The following KPNA1 variants were observed in gnomAD, a reference collection of about 807,000 sequenced individuals.
KPNA1 encodes the protein importin subunit alpha-5.
Under a neutral mutation model 70.5 loss-of-function variants are expected in KPNA1, and 10 were observed. That is an observed-to-expected ratio of 0.14 (90% CI 0.09 to 0.24). The LOEUF (loss-of-function observed/expected upper bound fraction) is 0.24. KPNA1 is among the 10% of genes least tolerant of loss of function. The pLI, the probability that KPNA1 is intolerant of heterozygous loss-of-function variation, is 1.00. For synonymous variants in KPNA1, 192 were observed against 221.9 expected, an observed-to-expected ratio of 0.87 and a Z score of 1.20; for missense variants, 397 against 637.9, an observed-to-expected ratio of 0.62 and a Z score of 4.07.
chr3:122,485,072 G>C (rs1397719023), intron 2 of KPNA1, among the ~76,000 whole-genome samples: 1 of 152,056 alleles, frequency 6.6e-6, no homozygotes, highest in Non-Finnish European at 1.5e-5. Flanking sequence ...TGTTGTTGCT[G>C]TTGTTGTTGT....
intron 12 of KPNA1, among the ~76,000 whole-genome samples, chr3:122,430,243 T>C (rs2075883045): frequency 6.6e-6 from 1 of 152,068 alleles, no homozygotes; most frequent in African/African-American, 2.4e-5. Context: ...TCACCAAAAA[T>C]TGGATATTAT....
intron 12 of KPNA1, among the ~76,000 whole-genome samples, chr3:122,428,554 TG>T (rs2075854345): frequency 6.6e-6 from 1 of 152,208 alleles, no homozygotes; most frequent in South Asian, 2.1e-4. Context: ...AATCATCACT[TG>T]ATCTCATGGA....
intron 1 of KPNA1, among the ~76,000 whole-genome samples, chr3:122,505,075 G>A (rs935516125): frequency 5.9e-5 from 9 of 151,872 alleles, no homozygotes; most frequent in Admixed American, 3.9e-4. Flanking sequence ...GCCAAGGGGC[G>A]GGCAGATCAC....
chr3:122,511,175 C>T (rs905131154), intron 1 of KPNA1, among the ~76,000 whole-genome samples: 2 of 152,146 alleles, frequency 1.3e-5, no homozygotes, highest in African/African-American at 4.8e-5. Flanking sequence ...GTACTTTCAG[C>T]GGGTCTTTCT....
At chr3:122,429,279 C>T (rs1177570314) in intron 12 of KPNA1, among the ~76,000 whole-genome samples, 3 of 151,758 alleles carry the variant, frequency 2.0e-5, no homozygotes, top group African/African-American at 4.8e-5. Context: ...GGTGAAACTC[C>T]GTTTCTACTA....
chr3:122,438,874 T>C (rs2076025863), intron 10 of KPNA1, among the ~76,000 whole-genome samples: 1 of 152,106 alleles, frequency 6.6e-6, no homozygotes, highest in Admixed American at 6.5e-5. Context: ...TAGGGGAAAA[T>C]AAAAATTTCA....
intron 2 of KPNA1, among the ~76,000 whole-genome samples, chr3:122,472,025 A>C (rs1031989206): frequency 2.0e-5 from 3 of 152,254 alleles, no homozygotes; most frequent in African/African-American, 7.2e-5. Context: ...TCTCTATCAG[A>C]AACGGCCAGA....
At chr3:122,486,242 A>C (rs983056020) in intron 2 of KPNA1, among the ~76,000 whole-genome samples, 7 of 152,276 alleles carry the variant, frequency 4.6e-5, no homozygotes, top group African/African-American at 1.7e-4. Flanking sequence ...CAACAAGTGA[A>C]TGGATAAACC....
rs533317062 is a variant in KPNA1 at position 122,462,327 on chromosome 3, G to A, written c.338-1009C>T. On this transcript the variant is annotated intron_variant, in intron 4 of 13. Transcript: ENST00000344337. ...CACAAACAAAACCTAACAACAGTTCGTGAACAAAAGCACTAGGGAGTTTAG... is the reference window on the plus strand; with the variant it reads ...CACAAACAAAACCTAACAACAGTTCATGAACAAAAGCACTAGGGAGTTTAG... 1.1e-4 allele frequency among the ~76,000 whole-genome samples: 16 copies of A among 152,138 alleles called. No homozygotes were observed. In the East Asian group the frequency reaches 1.7e-3, roughly 16 times the overall value.
chr3:122,456,614 G>A (rs2076267756), intron 5 of KPNA1, among the ~76,000 whole-genome samples: 1 of 152,166 alleles, frequency 6.6e-6, no homozygotes, highest in Non-Finnish European at 1.5e-5. Flanking sequence ...TAATAAAATA[G>A]AGAAGCAAAA....
intron 1 of KPNA1, among the ~76,000 whole-genome samples, chr3:122,505,955 G>C (rs1316360605): frequency 2.0e-5 from 3 of 152,138 alleles, no homozygotes; most frequent in Non-Finnish European, 2.9e-5. Flanking sequence ...CCTTTTCACT[G>C]TATCACTTCA....
At chr3:122,470,551 A>C (rs1338866496) in intron 2 of KPNA1, among the ~76,000 whole-genome samples, 3 of 151,778 alleles carry the variant, frequency 2.0e-5, no homozygotes, top group East Asian at 1.9e-4. Flanking sequence ...TAAATAAATA[A>C]AAATTTTTAA....
chr3:122,489,555 C>A (rs999842441), intron 2 of KPNA1, among the ~76,000 whole-genome samples: 1 of 152,172 alleles, frequency 6.6e-6, no homozygotes. Context: ...TAGGTGTGAA[C>A]CACCATGCCT....
chr3:122,455,121 T>A (rs999782065), intron 5 of KPNA1, among the ~76,000 whole-genome samples: 5 of 152,186 alleles, frequency 3.3e-5, no homozygotes, highest in South Asian at 2.1e-4. Context: ...CTTCTAAGCT[T>A]CCAGATTAAC....
In KPNA1 at chr3:122,426,914, CTG is replaced by C. The variant is rs1367434027; in HGVS notation, c.*69_*70del. ...ATTTGAGAAGTTAGCTCCATGAGGA[CTG>C]TGGGCTCCACAAGAGGACTCGACTG... On this transcript the variant is annotated 3_prime_UTR_variant, in exon 14 of 14. Coordinates refer to ENST00000344337, the MANE Select transcript of KPNA1 (RefSeq NM_002264.4). The C allele has an allele frequency of 8.1e-7, 1 of 1,229,078 alleles. No homozygotes were observed. The highest frequency in any genetic ancestry group is 1.5e-5 in the African/African-American group (1 of 66,546). 76.1% of individuals were successfully genotyped at this position (1,229,078 alleles called of 1,614,324 possible).
intron 12 of KPNA1, among the ~76,000 whole-genome samples, chr3:122,428,971 C>G (rs2075861280): frequency 6.6e-6 from 1 of 151,922 alleles, no homozygotes; most frequent in Non-Finnish European, 1.5e-5. Flanking sequence ...TACAAAAATC[C>G]TCAACAAAAC....
At position 122,427,635 on chromosome 3, in the gene KPNA1, T is replaced by G; in HGVS notation, c.1332A>C (p.Leu444=). The change falls in exon 13 of 14, where the codon CTA becomes CTC. Residue 444 remains leucine (L), a synonymous_variant. Coordinates refer to ENST00000344337, the MANE Select transcript of KPNA1 (RefSeq NM_002264.4). ...VMDSKIVQVA[L]NGLENILRLG... ...GCCTCAGGATATTTTCCAAGCCATT[T>G]AGGGCAACCTGTACAATCTTAGAGT... 1 of 1,614,206 alleles carries G rather than the reference T, an allele frequency of 6.2e-7. No individual in the cohort carries two copies. Among genetic ancestry groups the G allele is most frequent in the Non-Finnish European group, 8.5e-7 (1 of 1,180,010 alleles).
rs2076295205 is a variant in KPNA1, at chr3:122,459,136, T to C, written c.432+2088A>G. Among the ~76,000 whole-genome samples the C allele has an allele frequency of 2.0e-5, 3 of 152,176 alleles. No individual in the cohort carries two copies. The South Asian group carries it at 6.2e-4, about 31-fold the overall frequency. On this transcript the variant is annotated intron_variant, in intron 5 of 13. Transcript: ENST00000344337. ...TGTGTTAAAATACAAGTTCCAAGAT[T>C]ACAGAGTAATGAATTAAAAAAAGAT...
chr3:122,479,119 T>C (rs1018385927), intron 2 of KPNA1, among the ~76,000 whole-genome samples: 3 of 152,026 alleles, frequency 2.0e-5, no homozygotes, highest in Non-Finnish European at 4.4e-5. Context: ...GGAAGAAATA[T>C]CTGCAAAATA....
Sources: allele counts gnomAD v4.1 joint callset (sites outside exome capture counted in the v4.1 genomes callset), GRCh38; gene constraint gnomAD v4.1.1; transcripts MANE v1.5; gene names NCBI Gene and HGNC (gene_info 2026-07-23, HGNC 2026-07-21).